DAP: variants seen among roughly 807,000 people sequenced by gnomAD.
The protein encoded by DAP is death-associated protein 1.
DAP carries 8 observed loss-of-function variants against 13.8 expected under a neutral mutation model. The observed-to-expected ratio is 0.58, with a 90% CI of 0.34 to 1.05. DAP has a LOEUF of 1.05. Among genes scored for constraint, DAP ranks in the 50% least tolerant of loss-of-function variants. DAP has a pLI of 0.03. For missense variants in DAP, 106 were observed against 133.2 expected, an observed-to-expected ratio of 0.80 and a Z score of 1.01; for synonymous variants, 47 against 47.5, an observed-to-expected ratio of 0.99 and a Z score of 0.04.
At chr5:10,742,954 T>TCCATCC (rs59935322) in intron 2 of DAP, among the ~76,000 whole-genome samples, 2,045 of 147,382 alleles carry the variant, frequency 0.014, 29 homozygotes, top group African/African-American at 0.04. Context: ...TCCATCCATC[T>TCCATCC]ATCCATTCAG....
Position 10,696,998 on chromosome 5 carries a change from G to A in DAP, c.153-13427C>T, listed in dbSNP as rs145020217. On this transcript the variant is annotated intron_variant, in intron 2 of 3. Transcript: ENST00000230895. ...TTCCTTAATGAAATGTTCCAGAGAA[G>A]GTAACTTTTAGGAAGAATGTAGGTT... 9.9e-5 allele frequency among the ~76,000 whole-genome samples: 15 copies of A among 152,266 alleles called. 1 individual carries two copies. The East Asian group carries it at 2.7e-3, about 27-fold the overall frequency.
chr5:10,737,782 T>G (rs1178534267), intron 2 of DAP, among the ~76,000 whole-genome samples: 1 of 152,244 alleles, frequency 6.6e-6, no homozygotes, highest in African/African-American at 2.4e-5. Flanking sequence ...AAAAAAGGCA[T>G]GCTGAAATCC....
intron 2 of DAP, among the ~76,000 whole-genome samples, chr5:10,728,951 A>C (rs1444428968): frequency 6.6e-6 from 1 of 152,170 alleles, no homozygotes; most frequent in Admixed American, 6.5e-5. Context: ...GATTCACCAT[A>C]TTTCCACCTA....
chr5:10,758,230 A>G (rs1297664104), intron 1 of DAP, among the ~76,000 whole-genome samples: 1 of 146,882 alleles, frequency 6.8e-6, no homozygotes, highest in Non-Finnish European at 1.5e-5. Flanking sequence ...TTTAAAAACT[A>G]TCTACCCTTC....
intron 2 of DAP, among the ~76,000 whole-genome samples, chr5:10,694,983 T>G (rs948104143): frequency 1.3e-5 from 2 of 152,216 alleles, no homozygotes; most frequent in South Asian, 2.1e-4. Flanking sequence ...CATTTCCCAG[T>G]AAGTCGATGG....
chr5:10,726,761 G>C (rs1739296755), intron 2 of DAP, among the ~76,000 whole-genome samples: 1 of 125,480 alleles, frequency 8.0e-6, no homozygotes, highest in Non-Finnish European at 1.7e-5. Flanking sequence ...GTGTGGAAAA[G>C]TGTGTGTGTG....
At chr5:10,704,343 A>C (rs1378069293) in intron 2 of DAP, among the ~76,000 whole-genome samples, 1 of 152,174 alleles carries the variant, frequency 6.6e-6, no homozygotes, top group Non-Finnish European at 1.5e-5. Context: ...TTTTGCCACC[A>C]TGAGTTTCAG....
chr5:10,747,487 G>A (rs1423066630), intron 2 of DAP, among the ~76,000 whole-genome samples: 1 of 152,218 alleles, frequency 6.6e-6, no homozygotes, highest in African/African-American at 2.4e-5. Context: ...CTGATGATCC[G>A]AGGGAGGAAA....
At chr5:10,700,462 G>T (rs987246367) in intron 2 of DAP, among the ~76,000 whole-genome samples, 2 of 152,214 alleles carry the variant, frequency 1.3e-5, no homozygotes, top group African/African-American at 4.8e-5. Flanking sequence ...CACATCTGCT[G>T]GGACCTGTAG....
chr5:10,727,186 A>C (rs1023709181), intron 2 of DAP, among the ~76,000 whole-genome samples: 6 of 152,214 alleles, frequency 3.9e-5, no homozygotes, highest in African/African-American at 1.4e-4. Flanking sequence ...GTCCATAGGA[A>C]CTGTCTCTCA....
At chr5:10,731,792 CT>C (rs1739468293) in intron 2 of DAP, among the ~76,000 whole-genome samples, 1 of 152,226 alleles carries the variant, frequency 6.6e-6, no homozygotes, top group African/African-American at 2.4e-5. Context: ...GAGAAGATGC[CT>C]GTTTCTTCCT....
chr5:10,753,465 T>C (rs1335009721), intron 1 of DAP, among the ~76,000 whole-genome samples: 1 of 152,214 alleles, frequency 6.6e-6, no homozygotes, highest in Non-Finnish European at 1.5e-5. Context: ...ACAGAGCAGC[T>C]GCCTGCCCAA....
Position 10,726,378 on chromosome 5 carries a change from C to G in DAP, c.152+21797G>C, listed in dbSNP as rs115655840. Among the ~76,000 whole-genome samples, 699 of 152,336 alleles carry G rather than the reference C, an allele frequency of 4.6e-3. 2 individuals carry two copies. The highest frequency in any genetic ancestry group is 0.016 in the African/African-American group (645 of 41,582). ...GTGTGTCTCAGATAAGTGCTGCTCA[C>G]AGCGTGGTGGGGAACAAGCAGCACC... On this transcript the variant is annotated intron_variant, in intron 2 of 3. Coordinates refer to ENST00000230895, the MANE Select transcript of DAP (RefSeq NM_004394.3).
intron 2 of DAP, among the ~76,000 whole-genome samples, chr5:10,746,980 G>A (rs760175596): frequency 2.0e-5 from 3 of 152,164 alleles, no homozygotes; most frequent in South Asian, 2.1e-4. Context: ...TACCTAGCAC[G>A]GTGCATGATA....
chr5:10,742,095 G>A (rs1313475328), intron 2 of DAP, among the ~76,000 whole-genome samples: 1 of 152,116 alleles, frequency 6.6e-6, no homozygotes, highest in African/African-American at 2.4e-5. Context: ...TTTGCCTCCT[G>A]GTGATATTCT....
intron 2 of DAP, among the ~76,000 whole-genome samples, chr5:10,694,678 CACG>C (rs1230503448): frequency 3.3e-5 from 5 of 152,212 alleles, no homozygotes; most frequent in Non-Finnish European, 4.4e-5. Flanking sequence ...ACAGAGAGGA[CACG>C]ACACTAGAGC....
intron 2 of DAP, among the ~76,000 whole-genome samples, chr5:10,741,421 A>T (rs1739751775): frequency 6.6e-6 from 1 of 152,202 alleles, no homozygotes; most frequent in Admixed American, 6.5e-5. Context: ...AAATGCTACA[A>T]ATCGGGCTTT....
At chr5:10,683,949 G>C (rs952084543) in intron 2 of DAP, among the ~76,000 whole-genome samples, 1 of 152,070 alleles carries the variant, frequency 6.6e-6, no homozygotes, top group African/African-American at 2.4e-5. Flanking sequence ...TCAGTCTCCC[G>C]AGTAGCTGGG....
At chr5:10,711,690 T>C (rs1281659558) in intron 2 of DAP, among the ~76,000 whole-genome samples, 2 of 152,216 alleles carry the variant, frequency 1.3e-5, no homozygotes, top group South Asian at 4.1e-4. Flanking sequence ...CACCTTACTC[T>C]GGGTGGGACG....
Sources: allele counts gnomAD v4.1 joint callset (sites outside exome capture counted in the v4.1 genomes callset), GRCh38; gene constraint gnomAD v4.1.1; transcripts MANE v1.5; gene names NCBI Gene and HGNC (gene_info 2026-07-23, HGNC 2026-07-21).